HSPA9: variants seen among roughly 807,000 people sequenced by gnomAD.
The protein encoded by HSPA9 is heat shock protein family A (Hsp70) member 9.
In HSPA9, 28 loss-of-function variants were observed where a neutral mutation model predicts 81.5. The observed-to-expected ratio is 0.34, with a 90% CI of 0.25 to 0.47. The LOEUF (loss-of-function observed/expected upper bound fraction) is 0.47. Among genes scored for constraint, HSPA9 ranks in the 20% least tolerant of loss-of-function variants. The pLI is 1.00. For synonymous variants in HSPA9, 293 were observed against 290.4 expected (o/e 1.01, Z -0.09); for missense variants, 678 against 838.0 (o/e 0.81, Z 2.36).
rs1259712970 is a variant in HSPA9 at position 138,570,890 on chromosome 5, C to T, written c.410+70G>A. ...AAGGTGCTCCAGGGATCCTCATCAA[C>T]ATGCTGAGGCTCTTCTGTGTGGCCC... On this transcript the variant is annotated intron_variant, in intron 4 of 16. Transcript: ENST00000297185. 2.3e-6 allele frequency: 3 copies of T among 1,309,998 alleles called. No homozygotes were observed. In the East Asian group the frequency reaches 6.9e-5, roughly 30 times the overall value. 81.1% of individuals were successfully genotyped at this position (1,309,998 alleles called of 1,614,324 possible).
rs557952312 is a variant in HSPA9 at position 138,558,337 on chromosome 5, A to C, written c.1515+216T>G. Among the ~76,000 whole-genome samples the C allele has an allele frequency of 3.3e-5, 5 of 152,250 alleles. No homozygotes were observed. The East Asian group carries it at 9.6e-4, about 29-fold the overall frequency. ...TCAAATGTCTTTTAAATGAGTAATC[A>C]GGAGTTTATTTCTGAGGAAATTCCT... On this transcript the variant is annotated intron_variant, in intron 12 of 16. Transcript: ENST00000297185.
chr5:138,565,952 G>A (rs1482571712), intron 9 of HSPA9, among the ~76,000 whole-genome samples: 1 of 152,176 alleles, frequency 6.6e-6, no homozygotes, highest in African/African-American at 2.4e-5. Flanking sequence ...TTGGGAGGCC[G>A]AGGCAGGTCA....
At chr5:138,561,451 G>A (rs1017651419) in intron 10 of HSPA9, 129 bp downstream of exon 10, 4 of 743,298 alleles carry the variant, frequency 5.4e-6, no homozygotes, top group Non-Finnish European at 9.5e-6. Context: ...GAATTCTTTA[G>A]TGAGTATATA....
Position 138,557,402 on chromosome 5 carries a change from C to T in HSPA9, c.1728G>A (p.Lys576=). 1 of 1,595,302 alleles carries T rather than the reference C, an allele frequency of 6.3e-7. No homozygotes were observed. Among genetic ancestry groups the T allele is most frequent in the Non-Finnish European group, 8.6e-7 (1 of 1,163,716 alleles). ...EKYAEEDRRK[K]ERVEAVNMAE... ...AGTTCAGAAGACAAGAAGTAATCAC[C>T]TTCTTTCGCCGGTCTTCTTCAGCAT... The change falls in exon 14 of 17, where the codon AAG becomes AAA. Residue 576 remains lysine (K), a splice_region_variant and synonymous_variant. Transcript: ENST00000297185.
chr5:138,574,158 C>A (rs778583172), intron 1 of HSPA9, 32 bp from the exon 2 acceptor site: 1 of 1,531,872 alleles, frequency 6.5e-7, no homozygotes, highest in Admixed American at 1.7e-5. Context: ...CAGTCACCAA[C>A]CAGTGTGTAT....
At chr5:138,568,585 A>T (rs1056785172) in intron 5 of HSPA9, among the ~76,000 whole-genome samples, 1 of 152,226 alleles carries the variant, frequency 6.6e-6, no homozygotes, top group Non-Finnish European at 1.5e-5. Flanking sequence ...AAGGTTCACT[A>T]AACTACAATG....
chr5:138,558,271 A>G (rs1013261312), intron 12 of HSPA9, among the ~76,000 whole-genome samples: 1 of 152,174 alleles, frequency 6.6e-6, no homozygotes, highest in African/African-American at 2.4e-5. Flanking sequence ...TCACCTCACC[A>G]ATAACCAATA....
chr5:138,563,155 C>CA (rs762742261), intron 9 of HSPA9, among the ~76,000 whole-genome samples: 1 of 152,174 alleles, frequency 6.6e-6, no homozygotes, highest in Non-Finnish European at 1.5e-5. Flanking sequence ...AATCAGAACA[C>CA]AGAATTATCT....
intron 3 of HSPA9, among the ~76,000 whole-genome samples, chr5:138,571,812 TTGTGTGTGTG>T (rs10694028): frequency 3.4e-5 from 5 of 146,178 alleles, no homozygotes; most frequent in South Asian, 2.2e-4. Flanking sequence ...CCAACTAATT[TTGTGTGTGTG>T]TGTGTGTGTG....
chr5:138,572,563 C>A (rs1016159900), intron 3 of HSPA9, among the ~76,000 whole-genome samples: 1 of 152,136 alleles, frequency 6.6e-6, no homozygotes, highest in African/African-American at 2.4e-5. Flanking sequence ...TACATGCAAC[C>A]TTTATTCCCA....
chr5:138,561,540 C>CAG, intron 10 of HSPA9, 40 bp downstream of exon 10: 1 of 1,540,026 alleles, frequency 6.5e-7, no homozygotes, highest in Non-Finnish European at 9.0e-7. Context: ...CACTATGCGC[C>CAG]AGCCCTCTCT....
intron 10 of HSPA9, chr5:138,561,034 C>A (rs1416190107): frequency 1.2e-5 from 6 of 494,154 alleles, no homozygotes; most frequent in Non-Finnish European, 2.5e-5. Flanking sequence ...ACTGCATCTT[C>A]AACAGGTTTG....
chr5:138,557,399 CA>C lies in HSPA9; in HGVS notation c.1728+2del. ...TAAAGTTCAGAAGACAAGAAGTAATCACCTTCTTTCGCCGGTCTTCTTCAGC... is the reference window on the plus strand; with the variant it reads ...TAAAGTTCAGAAGACAAGAAGTAATCCCTTCTTTCGCCGGTCTTCTTCAGC... On this transcript the variant is annotated splice_donor_variant, in intron 14 of 16. Coordinates refer to ENST00000297185, the MANE Select transcript of HSPA9 (RefSeq NM_004134.7). LOFTEE classifies it high-confidence loss of function. 1 of 1,580,716 alleles carries C rather than the reference CA, an allele frequency of 6.3e-7. No individual in the cohort carries two copies. The highest frequency in any genetic ancestry group is 8.7e-7 in the Non-Finnish European group (1 of 1,150,570).
At position 138,571,217 on chromosome 5, in the gene HSPA9, G is replaced by T. The variant is rs1750877090; in HGVS notation, c.229-76C>A. The T allele has an allele frequency of 1.2e-5, 17 of 1,431,608 alleles. No homozygotes were observed. The South Asian group carries it at 2.0e-4, about 17-fold the overall frequency. 88.7% of individuals were successfully genotyped at this position (1,431,608 alleles called of 1,614,324 possible). A position where few individuals can be genotyped will look rare whatever the true frequency, so the allele number is the denominator to read the frequency against. ...GTTTTTTGAGATGGAGTCTCACTCT[G>T]TCGCTAAGGCTGGAGTACAATGGCA... On this transcript the variant is annotated intron_variant, in intron 3 of 16. Transcript: ENST00000297185.
At position 138,554,222 on chromosome 5, in the gene HSPA9, T is replaced by C. The variant is rs973789080; in HGVS notation, c.*1815A>G. Among the ~76,000 whole-genome samples, 1 of 152,220 alleles carries C rather than the reference T, an allele frequency of 6.6e-6. No individual in the cohort carries two copies. Among genetic ancestry groups the C allele is most frequent in the Non-Finnish European group, 1.5e-5 (1 of 68,032 alleles). On this transcript the variant is annotated 3_prime_UTR_variant, in exon 17 of 17. Transcript: ENST00000297185. ...TCTCCCTCCTAATAGAACTCAAATA[T>C]ATATTTTGCTTGGGCATTTGGCTCC... is the stretch of plus-strand genomic sequence containing the variant.
chr5:138,561,168 C>T (rs1045983036), intron 10 of HSPA9: 19 of 429,158 alleles, frequency 4.4e-5, no homozygotes, highest in African/African-American at 3.4e-4. Context: ...AGATGGTGGC[C>T]GGGGGCGGGG....
Position 138,575,322 on chromosome 5 carries a change from G to C in HSPA9, c.-4C>G. 1 of 1,610,664 alleles carries C rather than the reference G, an allele frequency of 6.2e-7. No homozygotes were observed. Among genetic ancestry groups the C allele is most frequent in the Non-Finnish European group, 8.5e-7 (1 of 1,178,270 alleles). On this transcript the variant is annotated 5_prime_UTR_variant, in exon 1 of 17. Coordinates refer to ENST00000297185, the MANE Select transcript of HSPA9 (RefSeq NM_004134.7). ...CAGCTCGGCTGGCACTTATCATGGC[G>C]GATAAATGGAGGAGTACGAGGCAGC...
intron 1 of HSPA9, chr5:138,575,025 G>A (rs1480121810): frequency 1.7e-6 from 1 of 600,904 alleles, no homozygotes; most frequent in Non-Finnish European, 3.0e-6. Context: ...TCTAGATCGC[G>A]AGGGGTGTGA....
At chr5:138,572,048 C>T (rs560818501) in intron 3 of HSPA9, among the ~76,000 whole-genome samples, 2 of 142,420 alleles carry the variant, frequency 1.4e-5, no homozygotes, top group African/African-American at 5.3e-5. Context: ...CATTGACCTG[C>T]CAGCCTCAGC....
Sources: gnomAD v4.1 joint callset for allele counts (sites outside exome capture counted in the v4.1 genomes callset) on GRCh38, gnomAD v4.1.1 for gene constraint, MANE v1.5 for transcripts, NCBI Gene and HGNC (gene_info 2026-07-23, HGNC 2026-07-21) for gene names.